ACOX3: variants seen among roughly 807,000 people sequenced by gnomAD.
ACOX3 encodes peroxisomal acyl-coenzyme A oxidase 3.
Under a neutral mutation model 81.5 loss-of-function variants are expected in ACOX3, and 73 were observed. That is an observed-to-expected ratio of 0.90 (90% CI 0.74 to 1.09). ACOX3 has a LOEUF of 1.09. Among genes scored for constraint, ACOX3 ranks in the 50% least tolerant of loss-of-function variants. The pLI, the probability that ACOX3 is intolerant of heterozygous loss-of-function variation, is 0.00. For synonymous variants in ACOX3, 387 were observed against 375.1 expected (o/e 1.03, Z -0.37); for missense variants, 947 against 928.0 (o/e 1.02, Z -0.27).
rs953120702 is a variant in ACOX3, at chr4:8,423,428, T to C, written c.-14-6893A>G. On this transcript the variant is annotated intron_variant, in intron 1 of 17. Transcript: ENST00000356406. This position sits in a 1 kb window ranked among gnomAD's most constrained non-coding sequence, Gnocchi z 4.2. ...AATGCCCGTCCCGTTCAAGTTAAACTAAAGGATTCCGCCTCCTTTCCCCAC... is the reference window on the plus strand; with the variant it reads ...AATGCCCGTCCCGTTCAAGTTAAACCAAAGGATTCCGCCTCCTTTCCCCAC... Among the ~76,000 whole-genome samples the C allele has an allele frequency of 5.6e-4, 85 of 152,082 alleles. 1 individual carries two copies. Among genetic ancestry groups the C allele is most frequent in the Admixed American group, 5.5e-3 (84 of 15,276 alleles).
intron 1 of ACOX3, among the ~76,000 whole-genome samples, chr4:8,421,270 CG>C (rs1439367948): frequency 6.6e-6 from 1 of 152,182 alleles, no homozygotes; most frequent in Non-Finnish European, 1.5e-5. Flanking sequence ...ATGTGGCCAC[CG>C]GACTTAAGAC....
intron 11 of ACOX3, among the ~76,000 whole-genome samples, chr4:8,390,757 T>C (rs1369583316): frequency 6.6e-6 from 1 of 152,186 alleles, no homozygotes; most frequent in Non-Finnish European, 1.5e-5. Context: ...CTGTGACTGA[T>C]GGATCCTGAG....
In ACOX3 at chr4:8,371,869, G is replaced by A. The variant is rs531375666; in HGVS notation, c.1897-875C>T. ...AGATGTTACCGGCTTTGCGGGCCAC[G>A]GTCTCTGGCAACTGCCTACTGTGCC... On this transcript the variant is annotated intron_variant, in intron 16 of 17. Transcript: ENST00000356406. 4.6e-5 allele frequency among the ~76,000 whole-genome samples: 7 copies of A among 152,362 alleles called. No homozygotes were observed. In the South Asian group the frequency reaches 8.3e-4, roughly 18 times the overall value.
At chr4:8,401,455 G>C (rs533670403) in intron 7 of ACOX3, among the ~76,000 whole-genome samples, 1 of 152,246 alleles carries the variant, frequency 6.6e-6, no homozygotes, top group South Asian at 2.1e-4. Context: ...CAGCTCTGCT[G>C]TGCTGGCCCG....
Position 8,415,757 on chromosome 4 carries a change from C to G in ACOX3, c.378+9G>C. The G allele has an allele frequency of 6.2e-7, 1 of 1,612,772 alleles. No individual in the cohort carries two copies. The highest frequency in any genetic ancestry group is 8.5e-7 in the Non-Finnish European group (1 of 1,179,028). On this transcript the variant is annotated intron_variant, in intron 3 of 17. Transcript: ENST00000356406. ...AGCCGTTTCCCTCTCCCCTAGGCCG[C>G]ATGCTCACCAAGCTATGGAGGAGGT...
rs535873627 is a variant in ACOX3 at position 8,405,575 on chromosome 4, C to T, written c.776+380G>A. Among the ~76,000 whole-genome samples the T allele has an allele frequency of 5.3e-5, 8 of 152,356 alleles. No individual in the cohort carries two copies. In the East Asian group the frequency reaches 1.3e-3, roughly 26 times the overall value. ...GCAGAAACTGCAGATATGGGTCCCT[C>T]GAGATCAGCATGGATGTGTGCAGAG... is the stretch of plus-strand genomic sequence containing the variant. On this transcript the variant is annotated intron_variant, in intron 7 of 17. Transcript: ENST00000356406. This position sits in a 1 kb window ranked among gnomAD's most constrained non-coding sequence, Gnocchi z 7.1.
Position 8,382,986 on chromosome 4 carries a change from G to A in ACOX3, c.1538-1379C>T, listed in dbSNP as rs1269683456. Among the ~76,000 whole-genome samples the A allele has an allele frequency of 5.1e-5, 5 of 97,894 alleles. No homozygotes were observed. Among genetic ancestry groups the A allele is most frequent in the African/African-American group, 1.4e-4 (4 of 27,648 alleles). The allele number at this position is 97,894 out of a possible 152,430, so 64.2% of individuals were successfully genotyped here. On this transcript the variant is annotated intron_variant, in intron 13 of 17. Coordinates refer to ENST00000356406, the MANE Select transcript of ACOX3 (RefSeq NM_003501.3). This position sits in a 1 kb window ranked among gnomAD's most constrained non-coding sequence, Gnocchi z 4.1. ...AGCCTGGGCGACAGAGCGAGACTCC[G>A]TCTCAAAAAAAAAAAAAAAAGAAAA...
chr4:8,423,547 A>G lies in ACOX3; in HGVS notation c.-14-7012T>C, dbSNP rs937440570. On this transcript the variant is annotated intron_variant, in intron 1 of 17. Coordinates refer to ENST00000356406, the MANE Select transcript of ACOX3 (RefSeq NM_003501.3). The surrounding 1 kb of genome is among the most constrained non-coding windows in gnomAD (Gnocchi z 4.2). ...CCAAGGCCTAGTAAAACCATGCAATAGCCCCTGCAATACTCCAATTTTAGG... is the reference window on the plus strand; with the variant it reads ...CCAAGGCCTAGTAAAACCATGCAATGGCCCCTGCAATACTCCAATTTTAGG... Among the ~76,000 whole-genome samples the G allele has an allele frequency of 4.5e-4, 68 of 152,326 alleles. No individual in the cohort carries two copies. The highest frequency in any genetic ancestry group is 1.6e-3 in the African/African-American group (68 of 41,572).
At chr4:8,356,492 G>A in the ACOX3 span, 3 of 446,462 alleles carry the variant, frequency 6.7e-6, no homozygotes, top group Non-Finnish European at 1.4e-5. Flanking sequence ...ACTTGACTGG[G>A]AAAATGGCTG....
rs1207552139 is a variant in ACOX3, at chr4:8,384,595, T to A, written c.1538-2988A>T. On this transcript the variant is annotated intron_variant, in intron 13 of 17. Coordinates refer to ENST00000356406, the MANE Select transcript of ACOX3 (RefSeq NM_003501.3). The surrounding 1 kb of genome is among the most constrained non-coding windows in gnomAD (Gnocchi z 5.3). ...CTCTCGAAGGTGCCCCCAGCCGCCC[T>A]GTGCACCCAATGACTGCCCCTCGAT... Among the ~76,000 whole-genome samples, 1 of 152,118 alleles carries A rather than the reference T, an allele frequency of 6.6e-6. No homozygotes were observed. The highest frequency in any genetic ancestry group is 1.5e-5 in the Non-Finnish European group (1 of 68,018).
intron 15 of ACOX3, chr4:8,373,985 GAGTGAAGCAGGGGTGCAT>G: frequency 3.2e-6 from 1 of 312,076 alleles, no homozygotes; most frequent in Non-Finnish European, 6.1e-6. Flanking sequence ...CTCCTGGGCA[GAGTGAAGCAGGGGTGCAT>G]GGCAGGGGGC....
the ACOX3 span, among the ~76,000 whole-genome samples, chr4:8,358,760 C>T: frequency 6.6e-6 from 1 of 152,192 alleles, no homozygotes; most frequent in African/African-American, 2.4e-5. Flanking sequence ...AGGATGCTAC[C>T]CTATATGGTC....
intron 1 of ACOX3, chr4:8,436,189 A>C (rs975805589): frequency 6.6e-6 from 1 of 152,120 alleles, no homozygotes; most frequent in Non-Finnish European, 1.5e-5. Context: ...GTCGAGCATT[A>C]ACTGTGTAGA....
chr4:8,423,841 A>G lies in ACOX3; in HGVS notation c.-14-7306T>C, dbSNP rs554021255. Among the ~76,000 whole-genome samples the G allele has an allele frequency of 6.6e-6, 1 of 152,332 alleles. No homozygotes were observed. Among genetic ancestry groups the G allele is most frequent in the Admixed American group, 6.5e-5 (1 of 15,302 alleles). On this transcript the variant is annotated intron_variant, in intron 1 of 17. Transcript: ENST00000356406. This position sits in a 1 kb window ranked among gnomAD's most constrained non-coding sequence, Gnocchi z 4.2. ...CTGGACTGTTTTACCCCAAGGGTTC[A>G]TGGACAGCCCCCATCTATTTGGCCA...
rs769508035 is a variant in ACOX3 at position 8,373,541 on chromosome 4, C to G, written c.1896+20G>C. On this transcript the variant is annotated intron_variant, in intron 16 of 17. Transcript: ENST00000356406. Reference sequence around the variant, plus strand: ...TTGTGTAACATGGATGTAGAGAACGCGACAGCACCCACGGCTCACCTGGGA... The same window carrying G: ...TTGTGTAACATGGATGTAGAGAACGGGACAGCACCCACGGCTCACCTGGGA... The G allele has an allele frequency of 3.7e-6, 6 of 1,613,054 alleles. No homozygotes were observed. The highest frequency in any genetic ancestry group is 1.7e-4 in the Middle Eastern group (1 of 6,056).
intron 17 of ACOX3, 37 bp from the exon 18 acceptor site, chr4:8,367,117 A>C: frequency 6.2e-7 from 1 of 1,603,692 alleles, no homozygotes; most frequent in Non-Finnish European, 8.5e-7. Flanking sequence ...GAAGACAAAG[A>C]AATAAGAAGG....
chr4:8,360,468 T>C, the ACOX3 span, among the ~76,000 whole-genome samples: 1 of 113,934 alleles, frequency 8.8e-6, no homozygotes, highest in South Asian at 3.4e-4. Flanking sequence ...AACTGCTTCT[T>C]TGACTTTTTT....
intron 7 of ACOX3, among the ~76,000 whole-genome samples, chr4:8,402,579 C>G (rs916359220): frequency 1.3e-5 from 2 of 152,198 alleles, no homozygotes; most frequent in Admixed American, 6.5e-5. Context: ...AAAAACATTC[C>G]CGTGAGTTTC....
rs1560199847 is a variant in ACOX3 at position 8,416,354 on chromosome 4, G to C, written c.144+24C>G. The C allele has an allele frequency of 6.2e-7, 1 of 1,614,010 alleles. No individual in the cohort carries two copies. The highest frequency in any genetic ancestry group is 1.7e-5 in the Admixed American group (1 of 60,028). On this transcript the variant is annotated intron_variant, in intron 2 of 17. Coordinates refer to ENST00000356406, the MANE Select transcript of ACOX3 (RefSeq NM_003501.3). The surrounding 1 kb of genome is among the most constrained non-coding windows in gnomAD (Gnocchi z 4.2). Reference sequence around the variant, plus strand: ...AAGACCCCACTGGGAAAAAAGACAAGCTGCGCACAACCGCACGCCTCACCT... The same window carrying C: ...AAGACCCCACTGGGAAAAAAGACAACCTGCGCACAACCGCACGCCTCACCT...
Sources: gnomAD v4.1 joint callset for allele counts (sites outside exome capture counted in the v4.1 genomes callset) on GRCh38, gnomAD v4.1.1 for gene constraint, Gnocchi (gnomAD v3.1) non-coding constraint, MANE v1.5 for transcripts, NCBI Gene and HGNC (gene_info 2026-07-23, HGNC 2026-07-21) for gene names.